The following FAM149B1 variants were observed in gnomAD, a reference collection of about 807,000 sequenced individuals.
The protein encoded by FAM149B1 is primary cilium assembly protein FAM149B1.
FAM149B1 carries 56 observed loss-of-function variants against 75.3 expected under a neutral mutation model. That is an observed-to-expected ratio of 0.74 (90% confidence interval 0.60 to 0.93). FAM149B1 has a LOEUF of 0.93. Ranked by LOEUF, FAM149B1 falls within the 40% of genes least tolerant of loss-of-function variation. FAM149B1 has a pLI of 0.00. For missense variants in FAM149B1, 639 were observed against 708.4 expected (o/e 0.90, Z 1.11); for synonymous variants, 259 against 256.1 (o/e 1.01, Z -0.11).
At chr10:73,232,482 C>T (rs1227572898) in intron 9 of FAM149B1, among the ~76,000 whole-genome samples, 1 of 152,218 alleles carries the variant, frequency 6.6e-6, no homozygotes, top group Non-Finnish European at 1.5e-5. Flanking sequence ...GTGGGAGCCA[C>T]ACTGGTGCCA....
At chr10:73,175,972 C>G (rs1315763614) in intron 2 of FAM149B1, among the ~76,000 whole-genome samples, 2 of 152,060 alleles carry the variant, frequency 1.3e-5, no homozygotes, top group Non-Finnish European at 2.9e-5. Context: ...GGGATGGTTT[C>G]AGGATGATTC....
At chr10:73,207,428 G>A (rs978977421) in intron 5 of FAM149B1, among the ~76,000 whole-genome samples, 5 of 152,130 alleles carry the variant, frequency 3.3e-5, no homozygotes, top group Non-Finnish European at 5.9e-5. Context: ...GCTGAGTGTA[G>A]TGGTGCTCGC....
At chr10:73,235,476 A>C (rs2043800814) in intron 12 of FAM149B1, 158 bp downstream of exon 12, 1 of 1,426,674 alleles carries the variant, frequency 7.0e-7, no homozygotes, top group Non-Finnish European at 9.2e-7. Flanking sequence ...ATTTTGTTCA[A>C]ATTCTAACTA....
intron 5 of FAM149B1, 31 bp downstream of exon 5, chr10:73,193,624 G>C (rs534827698): frequency 1.9e-6 from 3 of 1,542,928 alleles, no homozygotes; most frequent in African/African-American, 1.4e-5. Context: ...GTACTTCAAT[G>C]TGCCCTAATA....
At chr10:73,180,938 T>A (rs2042382154) in intron 3 of FAM149B1, among the ~76,000 whole-genome samples, 1 of 151,828 alleles carries the variant, frequency 6.6e-6, no homozygotes, top group African/African-American at 2.4e-5. Context: ...CTAGTAATCA[T>A]AAATTTCATT....
At chr10:73,238,359 A>C (rs550008620) in intron 12 of FAM149B1, among the ~76,000 whole-genome samples, 2 of 152,296 alleles carry the variant, frequency 1.3e-5, no homozygotes, top group South Asian at 4.1e-4. Context: ...CCCCACAAAA[A>C]AAAGAATGCT....
intron 7 of FAM149B1, among the ~76,000 whole-genome samples, chr10:73,224,439 C>G (rs1478047784): frequency 6.6e-6 from 1 of 151,642 alleles, no homozygotes; most frequent in East Asian, 1.9e-4. Flanking sequence ...GAATACTATA[C>G]CACTATGAGA....
intron 5 of FAM149B1, among the ~76,000 whole-genome samples, chr10:73,196,812 A>G (rs1457348590): frequency 6.6e-6 from 1 of 152,036 alleles, no homozygotes. Flanking sequence ...TCCTTCCAAC[A>G]CTGGCTTTCT....
At chr10:73,225,582 A>G (rs886783789) in intron 7 of FAM149B1, among the ~76,000 whole-genome samples, 1 of 152,240 alleles carries the variant, frequency 6.6e-6, no homozygotes, top group African/African-American at 2.4e-5. Flanking sequence ...AAAAATTTAT[A>G]AAGTCAAAAA....
rs182342472 is a variant in FAM149B1, at chr10:73,179,456, C to T, written c.282+1481C>T. On this transcript the variant is annotated intron_variant, in intron 3 of 13. Transcript: ENST00000242505. ...TTCTTTCTTTCTTCTTTCTCTGTCA[C>T]GCAGGCTGGAGTGCTGTGGCAATCA... Among the ~76,000 whole-genome samples, 302 of 151,884 alleles carry T rather than the reference C, an allele frequency of 2.0e-3. 2 individuals carry two copies. Among genetic ancestry groups the T allele is most frequent in the Admixed American group, 4.9e-3 (75 of 15,250 alleles).
intron 7 of FAM149B1, 114 bp from the exon 8 acceptor site, chr10:73,227,946 A>G (rs1216805348): frequency 6.3e-6 from 7 of 1,117,466 alleles, no homozygotes; most frequent in South Asian, 4.4e-5. Context: ...TACTGCAAAG[A>G]TAAGTGAAGC....
At chr10:73,210,484 T>C in intron 7 of FAM149B1, 46 bp downstream of exon 7, 2 of 1,353,002 alleles carry the variant, frequency 1.5e-6, no homozygotes, top group Non-Finnish European at 2.0e-6. Flanking sequence ...TGTTTATGAT[T>C]TCTAAACCCT....
intron 5 of FAM149B1, among the ~76,000 whole-genome samples, chr10:73,197,829 G>A (rs1345474162): frequency 6.6e-5 from 10 of 151,982 alleles, no homozygotes; most frequent in Admixed American, 2.6e-4. Context: ...GGGAAACACA[G>A]GCCAGAAAAG....
chr10:73,175,477 G>A (rs999230589), intron 2 of FAM149B1, among the ~76,000 whole-genome samples: 6 of 151,988 alleles, frequency 3.9e-5, no homozygotes, highest in Non-Finnish European at 7.4e-5. Context: ...AAACCATCCT[G>A]GCTAACACGG....
At chr10:73,221,452 G>A (rs2043412839) in intron 7 of FAM149B1, among the ~76,000 whole-genome samples, 1 of 152,060 alleles carries the variant, frequency 6.6e-6, no homozygotes, top group Non-Finnish European at 1.5e-5. Flanking sequence ...TTGCCTTCTA[G>A]TACTTTTAAA....
intron 9 of FAM149B1, among the ~76,000 whole-genome samples, chr10:73,232,570 A>C (rs1394048639): frequency 6.6e-6 from 1 of 152,242 alleles, no homozygotes; most frequent in East Asian, 1.9e-4. Flanking sequence ...GAATGCCTCA[A>C]ACAGAGTAGG....
chr10:73,223,244 C>A (rs1362181240), intron 7 of FAM149B1, among the ~76,000 whole-genome samples: 1 of 152,210 alleles, frequency 6.6e-6, no homozygotes, highest in Non-Finnish European at 1.5e-5. Context: ...AAGATAACCC[C>A]ATCCTGACTT....
chr10:73,168,168 G>A lies in FAM149B1; in HGVS notation c.-172G>A, dbSNP rs1843528753. 1 of 658,902 alleles carries A rather than the reference G, an allele frequency of 1.5e-6. No homozygotes were observed. The highest frequency in any genetic ancestry group is 3.0e-5 in the East Asian group (1 of 33,588). The allele number at this position is 658,902 out of a possible 1,614,324, so 40.8% of individuals were successfully genotyped here. On this transcript the variant is annotated 5_prime_UTR_variant, in exon 1 of 14. Transcript: ENST00000242505. ...GGAGGTCGGAGGACTGGAGAGGTGGGGACCCTGGGGAGGTGGCTGCTCGGA... is the reference window on the plus strand; with the variant it reads ...GGAGGTCGGAGGACTGGAGAGGTGGAGACCCTGGGGAGGTGGCTGCTCGGA...
chr10:73,200,962 T>C, intron 5 of FAM149B1: 1 of 434,718 alleles, frequency 2.3e-6, no homozygotes. Flanking sequence ...GAGGGAATTC[T>C]GATCAGGGTC....
Sources: allele counts gnomAD v4.1 joint callset (sites outside exome capture counted in the v4.1 genomes callset), GRCh38; gene constraint gnomAD v4.1.1; transcripts MANE v1.5; gene names NCBI Gene and HGNC (gene_info 2026-07-23, HGNC 2026-07-21).